NOTCH3: variants seen among roughly 807,000 people sequenced by gnomAD.
NOTCH3 encodes the protein notch receptor 3.
NOTCH3 carries 86 observed loss-of-function variants against 213.3 expected under a neutral mutation model. The observed-to-expected ratio is 0.40, with a 90% CI of 0.34 to 0.48. The LOEUF (loss-of-function observed/expected upper bound fraction) is 0.48. Ranked by LOEUF, NOTCH3 falls within the 20% of genes least tolerant of loss-of-function variation. The pLI is 0.57. For missense variants in NOTCH3, 2,783 were observed against 3,272.6 expected (o/e 0.85, Z 3.65); for synonymous variants, 1,354 against 1,355.9 (o/e 1.00, Z 0.03).
chr19:15,197,441 G>GCGGGGGGCC, intron 2 of NOTCH3, 59 bp downstream of exon 2: 1 of 768,362 alleles, frequency 1.3e-6, no homozygotes, highest in Non-Finnish European at 2.3e-6. Flanking sequence ...AAGACAAATC[G>GCGGGGGGCC]CCCCTCCCCC....
chr19:15,172,513 C>T (rs2046742805), intron 25 of NOTCH3, among the ~76,000 whole-genome samples: 1 of 151,900 alleles, frequency 6.6e-6, no homozygotes, highest in South Asian at 2.1e-4. Flanking sequence ...TCCCCTTCCA[C>T]CACCCACATC....
chr19:15,197,435 C>T lies in NOTCH3; in HGVS notation c.197+65G>A, dbSNP rs368555468. The stretch of plus-strand genomic sequence containing the variant: ...TGAACACAGAGGCAGAGGGAGAAGA[C>T]AAATCGCCCCTCCCCCCCGCCCCCA... On this transcript the variant is annotated intron_variant, in intron 2 of 32. Transcript: ENST00000263388. The T allele has an allele frequency of 2.8e-5, 31 of 1,105,282 alleles. No homozygotes were observed. The East Asian group carries it at 3.2e-4, about 12-fold the overall frequency. 68.5% of individuals were successfully genotyped at this position (1,105,282 alleles called of 1,614,324 possible). A position where few individuals can be genotyped will look rare whatever the true frequency, so the allele number is the denominator to read the frequency against.
rs200883235 is a variant in NOTCH3, at chr19:15,165,884, C to T, written c.5570G>A (p.Arg1857Gln). The change falls in exon 30 of 33, where the codon CGG becomes CAG. Residue 1857 changes from arginine to glutamine, a missense_variant. This residue lies in a region of NOTCH3 where 636 missense variants were observed against 801.8 expected (regional missense o/e 0.79). Coordinates refer to ENST00000263388, the MANE Select transcript of NOTCH3 (RefSeq NM_000435.3). This position sits in a 1 kb window ranked among gnomAD's most constrained non-coding sequence, Gnocchi z 4.7. ...GGTGTCTGCCCCAGCATCCAGCAGC[C>T]GCTTGGCTGCATCAGCACGGGCATA... ...ARYARADAAK[R>Q]LLDAGADTNA... The T allele has an allele frequency of 1.3e-5, 21 of 1,613,990 alleles. No individual in the cohort carries two copies. The highest frequency in any genetic ancestry group is 2.2e-5 in the East Asian group (1 of 44,892).
chr19:15,169,297 G>A (rs1356868124), intron 28 of NOTCH3, among the ~76,000 whole-genome samples: 2 of 151,886 alleles, frequency 1.3e-5, no homozygotes, highest in African/African-American at 4.8e-5. Context: ...TGCACACCAG[G>A]AAGAGAGCCC....
intron 2 of NOTCH3, among the ~76,000 whole-genome samples, chr19:15,195,072 C>A (rs180762921): frequency 6.6e-6 from 1 of 152,174 alleles, no homozygotes; most frequent in Non-Finnish European, 1.5e-5. Flanking sequence ...GAGGGACACA[C>A]CAATTGGACG....
At position 15,180,150 on chromosome 19, in the gene NOTCH3, C is replaced by G; in HGVS notation, c.3249G>C (p.Gln1083His). The G allele has an allele frequency of 6.2e-7, 1 of 1,613,680 alleles. No homozygotes were observed. Among genetic ancestry groups the G allele is most frequent in the Non-Finnish European group, 8.5e-7 (1 of 1,179,964 alleles). The change falls in exon 20 of 33, where the codon CAG becomes CAC. Residue 1083 changes from glutamine (Q) to histidine (H), a missense_variant. Gln to His is a conservative substitution (Grantham distance 24). Around this residue, in one of 6 missense-constraint regions of NOTCH3, gnomAD observed 861 missense variants for 909.1 expected, o/e 0.95. Transcript: ENST00000263388. ...GCTGGGCCAAGCAGGGGTCCACCTCCTGCTCACAGTGGCTACCAGTACGGC... is the reference window on the plus strand; with the variant it reads ...GCTGGGCCAAGCAGGGGTCCACCTCGTGCTCACAGTGGCTACCAGTACGGC... ...PEGRTGSHCE[Q>H]EVDPCLAQPC...
At chr19:15,161,826 G>C (rs1746068927) in intron 32 of NOTCH3, 112 bp from the exon 33 acceptor site, 4 of 905,624 alleles carry the variant, frequency 4.4e-6, no homozygotes, top group Non-Finnish European at 6.6e-6. Context: ...GAGCTTGACA[G>C]ACCTGGGTTA....
In NOTCH3 at chr19:15,170,529, G is replaced by A; in HGVS notation, c.4916C>T (p.Pro1639Leu). Residue 1639 changes from proline to leucine, a missense_variant, in exon 27 of 33, where the codon CCC becomes CTC. By Grantham distance (98) the Pro-to-Leu change is moderately conservative. Transcript: ENST00000263388. ...VRGEPLEPPEPSVPLLPLLVA... is the reference protein window; with the variant it reads ...VRGEPLEPPELSVPLLPLLVA... ...TAGCAGTGGCAGCAGCGGGACGCTG[G>A]GTTCTGGAGGCTCCAGCGGCTCCCC... 1 of 1,609,970 alleles carries A rather than the reference G, an allele frequency of 6.2e-7. No individual in the cohort carries two copies. The highest frequency in any genetic ancestry group is 1.6e-4 in the Middle Eastern group (1 of 6,062).
chr19:15,161,055 C>G lies in NOTCH3; in HGVS notation c.6573G>C (p.Pro2191=), dbSNP rs576653145. The part of the protein sequence containing the change: ...PGPSFLLPLA[P]GPQLLNPGTP... ...TCCCTGGGTTGAGCAGCTGGGGTCCCGGCGCCAGTGGCAGCAGGAACGAGG... is the reference window on the plus strand; with the variant it reads ...TCCCTGGGTTGAGCAGCTGGGGTCCGGGCGCCAGTGGCAGCAGGAACGAGG... The change falls in exon 33 of 33, where the codon CCG becomes CCC. Residue 2191 remains proline, a synonymous_variant. Coordinates refer to ENST00000263388, the MANE Select transcript of NOTCH3 (RefSeq NM_000435.3). 2 of 1,538,444 alleles carry G rather than the reference C, an allele frequency of 1.3e-6. No individual in the cohort carries two copies. Among genetic ancestry groups the G allele is most frequent in the Admixed American group, 2.0e-5 (1 of 51,228 alleles).
At position 15,187,279 on chromosome 19, in the gene NOTCH3, G is replaced by A. The variant is rs2046890390; in HGVS notation, c.1666C>T (p.His556Tyr). Residue 556 changes from histidine (H) to tyrosine (Y), a missense_variant, in exon 11 of 33, where the codon CAT (histidine) becomes TAT (tyrosine). Physicochemically the swap from His to Tyr is moderately conservative, Grantham distance 83 (BLOSUM62 2). This residue lies in a region of NOTCH3 where 708 missense variants were observed against 906.6 expected (regional missense o/e 0.78). Transcript: ENST00000263388. ...GCGATGCCATCCACGCAGCGACCAT[G>A]GTGGCATGGGTCAGGGGAGCAGTCG... ...VDDCSPDPCH[H>Y]GRCVDGIASF... The A allele has an allele frequency of 6.2e-7, 1 of 1,614,108 alleles. No homozygotes were observed. Among genetic ancestry groups the A allele is most frequent in the African/African-American group, 1.3e-5 (1 of 75,064 alleles).
chr19:15,189,946 C>G (rs2046914953), intron 6 of NOTCH3, among the ~76,000 whole-genome samples: 1 of 152,196 alleles, frequency 6.6e-6, no homozygotes, highest in African/African-American at 2.4e-5. Context: ...CTATTGTTAG[C>G]TTAATCTACC....
intron 20 of NOTCH3, 130 bp downstream of exon 20, chr19:15,179,942 C>A: frequency 1.5e-6 from 1 of 652,448 alleles, no homozygotes; most frequent in Non-Finnish European, 2.7e-6. Context: ...ACAGATACAC[C>A]AAGAGTCACA....
At chr19:15,162,122 C>A (rs974589767) in intron 32 of NOTCH3, among the ~76,000 whole-genome samples, 3 of 151,284 alleles carry the variant, frequency 2.0e-5, no homozygotes, top group Non-Finnish European at 4.4e-5. Flanking sequence ...GCTGGGACTA[C>A]AGGTGTGCAC....
chr19:15,189,112 A>T lies in NOTCH3; in HGVS notation c.1255T>A (p.Cys419Ser). 6.2e-7 allele frequency: 1 copy of T among 1,613,332 alleles called. No individual in the cohort carries two copies. The highest frequency in any genetic ancestry group is 8.5e-7 in the Non-Finnish European group (1 of 1,180,034). Residue 419 changes from cysteine to serine, a missense_variant, in exon 8 of 33, where the codon TGC becomes AGC. Cys to Ser is a moderately radical substitution (Grantham distance 112). This residue lies in a region of NOTCH3 where 708 missense variants were observed against 906.6 expected (regional missense o/e 0.78). Coordinates refer to ENST00000263388, the MANE Select transcript of NOTCH3 (RefSeq NM_000435.3). Reference protein sequence around the residue: ...VNTQGSFLCQCGRGYTGPRCE... With the variant: ...VNTQGSFLCQSGRGYTGPRCE... ...CGAGGTCCAGTGTAGCCACGACCGC[A>T]CTGGCACAGGAAGGAGCCCTGCGTG...
intron 2 of NOTCH3, 49 bp downstream of exon 2, chr19:15,197,451 C>CCCCCCCCCCCCCCCA: frequency 5.4e-6 from 5 of 917,766 alleles, no homozygotes; most frequent in East Asian, 2.5e-5. Flanking sequence ...GCCCCTCCCC[C>CCCCCCCCCCCCCCCA]CCGCCCCCAC....
intron 8 of NOTCH3, 29 bp downstream of exon 8, chr19:15,188,960 G>T: frequency 6.3e-7 from 1 of 1,597,986 alleles, no homozygotes; most frequent in South Asian, 1.1e-5. Flanking sequence ...CCTGCCTCAG[G>T]ACCCGCCCAG....
intron 15 of NOTCH3, 90 bp downstream of exon 15, chr19:15,184,815 TG>T (rs1392730317): frequency 2.6e-6 from 2 of 763,346 alleles, no homozygotes; most frequent in East Asian, 2.7e-5. Flanking sequence ...GGGCTGGGGA[TG>T]GGTCCCTCTC....
At position 15,180,935 on chromosome 19, in the gene NOTCH3, C is replaced by T. The variant is rs755636483; in HGVS notation, c.2994+26G>A. The T allele has an allele frequency of 6.9e-6, 11 of 1,583,280 alleles. No homozygotes were observed. The Admixed American group carries it at 1.8e-4, about 26-fold the overall frequency. ...CCTAGGATCCCAGGCAGGCTCCTCCCCCAGGTCCCCAGTAACTCCACCCAC... is the reference window on the plus strand; with the variant it reads ...CCTAGGATCCCAGGCAGGCTCCTCCTCCAGGTCCCCAGTAACTCCACCCAC... On this transcript the variant is annotated intron_variant, in intron 18 of 32. Coordinates refer to ENST00000263388, the MANE Select transcript of NOTCH3 (RefSeq NM_000435.3).
At chr19:15,169,047 G>GA (rs1392206201) in intron 28 of NOTCH3, among the ~76,000 whole-genome samples, 2 of 152,048 alleles carry the variant, frequency 1.3e-5, no homozygotes, top group African/African-American at 4.8e-5. Flanking sequence ...CCAAGTAGCT[G>GA]AAATTACTGG....
Sources: allele counts gnomAD v4.1 joint callset (sites outside exome capture counted in the v4.1 genomes callset), GRCh38; gene constraint gnomAD v4.1.1; regional missense constraint gnomAD v4.1.1; non-coding constraint Gnocchi (gnomAD v3.1); transcripts MANE v1.5; gene names NCBI Gene and HGNC (gene_info 2026-07-23, HGNC 2026-07-21).